Variants in SEMA4B observed in about 807,000 individuals in gnomAD.
The protein encoded by SEMA4B is semaphorin 4B.
A neutral mutation model predicts 88.1 loss-of-function variants in SEMA4B; 55 were observed. The observed-to-expected ratio is 0.62, with a 90% CI of 0.50 to 0.78. The LOEUF (loss-of-function observed/expected upper bound fraction) is 0.78, where lower values mean the gene tolerates loss of function less well. Ranked by LOEUF, SEMA4B falls within the 30% of genes least tolerant of loss-of-function variation. The probability of loss-of-function intolerance (pLI) is 0.00; values close to 1 mark genes in which losing one functional copy is unlikely to be tolerated. For missense variants in SEMA4B, 1,062 were observed against 1,111.9 expected (o/e 0.96, Z 0.64); for synonymous variants, 525 against 473.6 (o/e 1.11, Z -1.41).
At chr15:90,205,384 C>G (rs1249035358) in intron 1 of SEMA4B, among the ~76,000 whole-genome samples, 1 of 152,234 alleles carries the variant, frequency 6.6e-6, no homozygotes, top group East Asian at 1.9e-4. Flanking sequence ...GTCCCCAGCT[C>G]TGTCCTATGG....
intron 1 of SEMA4B, chr15:90,185,092 G>T: frequency 1.0e-6 from 1 of 982,596 alleles, no homozygotes; most frequent in South Asian, 4.7e-5. Flanking sequence ...GTAGGCGCGG[G>T]GGGTGCCTGG....
At chr15:90,188,403 G>A (rs552579056) in intron 1 of SEMA4B, among the ~76,000 whole-genome samples, 4 of 151,766 alleles carry the variant, frequency 2.6e-5, no homozygotes, top group South Asian at 2.1e-4. Context: ...CGAGGTGGGC[G>A]GATCACCTGA....
At chr15:90,189,575 A>G (rs1380229745) in intron 1 of SEMA4B, among the ~76,000 whole-genome samples, 1 of 152,210 alleles carries the variant, frequency 6.6e-6, no homozygotes, top group Non-Finnish European at 1.5e-5. Context: ...GTCAACTTTG[A>G]TGTAGCTGGA....
upstream of SEMA4B, chr15:90,201,222 C>T: frequency 1.3e-6 from 1 of 771,272 alleles, no homozygotes; most frequent in African/African-American, 1.9e-5. Context: ...GCGGCAGCGC[C>T]CCGAGCTGCC....
Position 90,223,760 on chromosome 15 carries a change from C to T in SEMA4B, c.1043+20C>T, listed in dbSNP as rs376297807. ...CCAGTGGTAGGGCCTCCAGACCTCG[C>T]TGGAGATGGAAGGGTGAAGGGTGGC... On this transcript the variant is annotated intron_variant, in intron 8 of 13. Coordinates refer to ENST00000411539, the MANE Select transcript of SEMA4B (RefSeq NM_198925.4). The T allele has an allele frequency of 1.2e-5, 19 of 1,603,178 alleles. No individual in the cohort carries two copies. The Middle Eastern group carries it at 8.3e-4, about 70-fold the overall frequency.
chr15:90,196,181 G>T (rs1960500030), intron 1 of SEMA4B, among the ~76,000 whole-genome samples: 1 of 150,916 alleles, frequency 6.6e-6, no homozygotes, highest in Non-Finnish European at 1.5e-5. Context: ...GCCCGCCTCG[G>T]CCTCCCAAAG....
Position 90,221,195 on chromosome 15 carries a change from C to T in SEMA4B, c.595+102C>T, listed in dbSNP as rs535596487. The T allele has an allele frequency of 8.0e-6, 9 of 1,124,928 alleles. No individual in the cohort carries two copies. The South Asian group carries it at 1.2e-4, about 15-fold the overall frequency. The allele number at this position is 1,124,928 out of a possible 1,614,324, so 69.7% of individuals were successfully genotyped here. A position where few individuals can be genotyped will look rare whatever the true frequency, so the allele number is the denominator to read the frequency against. On this transcript the variant is annotated intron_variant, in intron 5 of 13. Coordinates refer to ENST00000411539, the MANE Select transcript of SEMA4B (RefSeq NM_198925.4). ...GGCTGAGTCCATGCCATGCTTATTT[C>T]CAAGGGGACAGAATGGCCAGGGGCT...
rs914382173 is a variant in SEMA4B at position 90,217,446 on chromosome 15, A to C, written c.165A>C (p.Glu55Asp). 8 of 1,613,050 alleles carry C rather than the reference A, an allele frequency of 5.0e-6. No individual in the cohort carries two copies. The highest frequency in any genetic ancestry group is 1.7e-6 in the Non-Finnish European group (2 of 1,179,520). ...CCATCTTCCTCTCCCCAGGCTCTGA[A>C]GAGCGGCCATTCCTCAGATTCGAAG... ...SPRISLPLGSEERPFLRFEAE... is the reference protein window; with the variant it reads ...SPRISLPLGSDERPFLRFEAE... The change falls in exon 2 of 14, where the codon GAA (glutamate) becomes GAC (aspartate). Residue 55 changes from glutamate (E) to aspartate (D), a missense_variant. By Grantham distance (45) the Glu-to-Asp change is conservative (BLOSUM62 2). Coordinates refer to ENST00000411539, the MANE Select transcript of SEMA4B (RefSeq NM_198925.4).
intron 6 of SEMA4B, 65 bp from the exon 7 acceptor site, chr15:90,221,548 TC>T (rs1567058705): frequency 6.2e-7 from 1 of 1,607,468 alleles, no homozygotes; most frequent in Admixed American, 1.7e-5. Context: ...GGGGGCACTT[TC>T]CCCCAGCTTG....
upstream of SEMA4B, among the ~76,000 whole-genome samples, chr15:90,196,919 A>G (rs1416295161): frequency 6.6e-6 from 1 of 152,136 alleles, no homozygotes; most frequent in African/African-American, 2.4e-5. Context: ...CCATTACTTC[A>G]TTATGTTTTA....
intron 1 of SEMA4B, among the ~76,000 whole-genome samples, chr15:90,205,591 A>G (rs146373036): frequency 1.2e-3 from 189 of 152,364 alleles, no homozygotes; most frequent in African/African-American, 4.3e-3. Flanking sequence ...AGAGGATTAC[A>G]TGAAATAATG....
intron 1 of SEMA4B, chr15:90,206,967 A>G (rs1834081205): frequency 5.1e-5 from 29 of 567,904 alleles, no homozygotes; most frequent in South Asian, 4.8e-4. Flanking sequence ...GCAAGAAATG[A>G]AGAAAATATC....
At chr15:90,188,754 G>A (rs1307104047) in intron 1 of SEMA4B, among the ~76,000 whole-genome samples, 4 of 151,826 alleles carry the variant, frequency 2.6e-5, no homozygotes, top group East Asian at 1.9e-4. Flanking sequence ...TGCAAGCTCC[G>A]CCCCCCGGAT....
At chr15:90,214,736 T>C (rs962347510) in intron 1 of SEMA4B, among the ~76,000 whole-genome samples, 1 of 152,112 alleles carries the variant, frequency 6.6e-6, no homozygotes, top group Non-Finnish European at 1.5e-5. Flanking sequence ...CCATTTTTCT[T>C]TGGCCACCAG....
chr15:90,208,252 C>G (rs1462673215), intron 1 of SEMA4B, among the ~76,000 whole-genome samples: 1 of 148,250 alleles, frequency 6.7e-6, no homozygotes, highest in Non-Finnish European at 1.5e-5. Flanking sequence ...AAAACTCCAT[C>G]TCAAAAAAAA....
intron 1 of SEMA4B, among the ~76,000 whole-genome samples, chr15:90,186,840 G>T (rs1280903871): frequency 6.6e-6 from 1 of 152,156 alleles, no homozygotes; most frequent in Non-Finnish European, 1.5e-5. Context: ...GGCTGAGACA[G>T]AAGAATGGTG....
intron 7 of SEMA4B, among the ~76,000 whole-genome samples, chr15:90,222,305 C>T (rs920529607): frequency 6.8e-6 from 1 of 146,904 alleles, no homozygotes; most frequent in African/African-American, 2.5e-5. Context: ...CATGGTGGCT[C>T]ACGCCTGTAA....
intron 12 of SEMA4B, among the ~76,000 whole-genome samples, chr15:90,226,843 C>A (rs1962198100): frequency 6.6e-6 from 1 of 151,864 alleles, no homozygotes; most frequent in Non-Finnish European, 1.5e-5. Context: ...ATCCTTCGTG[C>A]CTGGTTGACT....
At chr15:90,217,418 T>A in intron 1 of SEMA4B, 21 bp from the exon 2 acceptor site, 1 of 1,607,062 alleles carries the variant, frequency 6.2e-7, no homozygotes, top group Non-Finnish European at 8.5e-7. Context: ...CCCCAGGTAA[T>A]ACCCATCTTC....
Sources: gnomAD v4.1 joint callset for allele counts (sites outside exome capture counted in the v4.1 genomes callset) on GRCh38, gnomAD v4.1.1 for gene constraint, MANE v1.5 for transcripts, NCBI Gene and HGNC (gene_info 2026-07-23, HGNC 2026-07-21) for gene names.